WDR17: variants seen among roughly 807,000 people sequenced by gnomAD.
WDR17 encodes the protein WD repeat domain 17.
Under a neutral mutation model 161.7 loss-of-function variants are expected in WDR17, and 143 were observed. The ratio of observed to expected loss-of-function variants is 0.88; its 90% CI spans 0.77 to 1.02. The LOEUF (loss-of-function observed/expected upper bound fraction) is 1.02, where lower values mean the gene tolerates loss of function less well. Among genes scored for constraint, WDR17 ranks in the 50% least tolerant of loss-of-function variants. The pLI, the probability that WDR17 is intolerant of heterozygous loss-of-function variation, is 0.00. For synonymous variants in WDR17, 517 were observed against 515.6 expected, an observed-to-expected ratio of 1.00 and a Z score of -0.04; for missense variants, 1,469 against 1,520.9, an observed-to-expected ratio of 0.97 and a Z score of 0.57.
At chr4:176,155,663 G>A (rs1747985924) in intron 17 of WDR17, among the ~76,000 whole-genome samples, 1 of 143,488 alleles carries the variant, frequency 7.0e-6, no homozygotes. Flanking sequence ...TGTCCACTCA[G>A]CCTCCCAAGT....
intron 8 of WDR17, among the ~76,000 whole-genome samples, chr4:176,136,428 A>G (rs1490965698): frequency 6.6e-6 from 1 of 151,702 alleles, no homozygotes; most frequent in East Asian, 1.9e-4. Flanking sequence ...TAAAACATAA[A>G]TAAAACTTAT....
At chr4:176,079,657 C>T (rs1401266486) in intron 1 of WDR17, among the ~76,000 whole-genome samples, 1 of 152,038 alleles carries the variant, frequency 6.6e-6, no homozygotes, top group Non-Finnish European at 1.5e-5. Flanking sequence ...TGTCTTCATA[C>T]ATTTTCTGGT....
Position 176,137,656 on chromosome 4 carries a change from A to C in WDR17, c.1359+45A>C, listed in dbSNP as rs758990921. On this transcript the variant is annotated intron_variant, in intron 9 of 28. Coordinates refer to ENST00000508596, the MANE Select transcript of WDR17 (RefSeq NM_181265.4). ...ACTGAATAATATAATGTTTTATACT[A>C]TTTTGTATTTATTTTGTAAATATTT... is the stretch of plus-strand genomic sequence containing the variant. The C allele has an allele frequency of 2.2e-5, 26 of 1,157,234 alleles. No homozygotes were observed. In the Admixed American group the frequency reaches 3.3e-4, roughly 15 times the overall value. 71.7% of individuals were successfully genotyped at this position (1,157,234 alleles called of 1,614,324 possible).
intron 1 of WDR17, among the ~76,000 whole-genome samples, chr4:176,085,889 T>A (rs1735360201): frequency 6.6e-6 from 1 of 152,020 alleles, no homozygotes; most frequent in East Asian, 1.9e-4. Context: ...AATCTTTGAC[T>A]TTTCTTCCTT....
chr4:176,100,819 C>T (rs941492818), intron 1 of WDR17, among the ~76,000 whole-genome samples: 5 of 151,846 alleles, frequency 3.3e-5, no homozygotes, highest in African/African-American at 1.2e-4. Flanking sequence ...CTAATTTTTC[C>T]AGCACTATTT....
intron 1 of WDR17, among the ~76,000 whole-genome samples, chr4:176,076,058 T>C (rs1733928722): frequency 6.6e-6 from 1 of 151,940 alleles, no homozygotes; most frequent in East Asian, 1.9e-4. Flanking sequence ...TTTTGTGCAG[T>C]GGTGAAAAAT....
At chr4:176,083,718 G>C (rs746687337) in intron 1 of WDR17, among the ~76,000 whole-genome samples, 1 of 152,060 alleles carries the variant, frequency 6.6e-6, no homozygotes, top group African/African-American at 2.4e-5. Flanking sequence ...GCTGGTCATG[G>C]GGTATGTATT....
chr4:176,074,311 C>T (rs1050286742), intron 1 of WDR17, among the ~76,000 whole-genome samples: 15 of 151,900 alleles, frequency 9.9e-5, no homozygotes, highest in Non-Finnish European at 2.1e-4. Flanking sequence ...CACCAGAACA[C>T]CTTTTCCCTT....
chr4:176,145,513 A>C (rs1031049933), intron 11 of WDR17, among the ~76,000 whole-genome samples: 3 of 152,214 alleles, frequency 2.0e-5, no homozygotes, highest in African/African-American at 7.2e-5. Flanking sequence ...GAAAACTTTC[A>C]GTGAGAATAC....
chr4:176,070,436 G>C lies in WDR17; in HGVS notation c.-7+4357G>C, dbSNP rs148623876. 4.7e-3 allele frequency among the ~76,000 whole-genome samples: 715 copies of C among 152,240 alleles called. 5 individuals are homozygous for C. The highest frequency in any genetic ancestry group is 0.016 in the African/African-American group (656 of 41,538). On this transcript the variant is annotated intron_variant, in intron 1 of 28. Transcript: ENST00000508596. ...AAAATCAGACTTATTTCAGGCCTCT[G>C]TCAATATATTGAATGCATATATTGA...
At chr4:176,136,719 G>GA (rs142084384) in intron 8 of WDR17, among the ~76,000 whole-genome samples, 10 of 150,582 alleles carry the variant, frequency 6.6e-5, no homozygotes, top group South Asian at 4.2e-4. Context: ...CAGACGAAAA[G>GA]AAAAAAAATG....
At chr4:176,126,157 T>C (rs1742412932) in intron 5 of WDR17, among the ~76,000 whole-genome samples, 2 of 152,172 alleles carry the variant, frequency 1.3e-5, no homozygotes, top group Admixed American at 1.3e-4. Context: ...CACAAGAATT[T>C]TGTGGGAGGC....
chr4:176,131,439 T>C, intron 6 of WDR17, 115 bp from the exon 7 acceptor site: 1 of 1,028,602 alleles, frequency 9.7e-7, no homozygotes, highest in Non-Finnish European at 1.4e-6. Flanking sequence ...GAATATATGA[T>C]CATTGCCTAA....
At chr4:176,137,650 T>C (rs1744631818) in intron 9 of WDR17, 39 bp downstream of exon 9, 1 of 1,228,944 alleles carries the variant, frequency 8.1e-7, no homozygotes. Flanking sequence ...TATAATGTTT[T>C]ATACTATTTT....
At chr4:176,102,151 A>G (rs1019437136) in intron 1 of WDR17, among the ~76,000 whole-genome samples, 3 of 152,236 alleles carry the variant, frequency 2.0e-5, no homozygotes, top group African/African-American at 7.2e-5. Flanking sequence ...AATAATTTAT[A>G]TAACTCAGTA....
intron 18 of WDR17, among the ~76,000 whole-genome samples, chr4:176,158,342 G>A (rs185698309): frequency 1.3e-5 from 2 of 152,248 alleles, no homozygotes; most frequent in East Asian, 3.9e-4. Flanking sequence ...ATATCTAGGA[G>A]TTAAAAGTAA....
intron 26 of WDR17, among the ~76,000 whole-genome samples, chr4:176,175,084 T>C (rs987862714): frequency 2.6e-5 from 4 of 152,156 alleles, no homozygotes; most frequent in Non-Finnish European, 4.4e-5. Flanking sequence ...GGTTAGAAGA[T>C]AGATGCTAGC....
At chr4:176,119,321 A>G (rs756338532) in intron 3 of WDR17, among the ~76,000 whole-genome samples, 13 of 152,168 alleles carry the variant, frequency 8.5e-5, no homozygotes, top group Non-Finnish European at 1.9e-4. Context: ...TAGAGAAATA[A>G]AATGACTTGT....
chr4:176,099,052 A>G (rs1354318338), intron 1 of WDR17, among the ~76,000 whole-genome samples: 1 of 152,142 alleles, frequency 6.6e-6, no homozygotes, highest in African/African-American at 2.4e-5. Flanking sequence ...GTCAAAATGT[A>G]TTGGCATAAA....
Sources: gnomAD v4.1 joint callset for allele counts (sites outside exome capture counted in the v4.1 genomes callset) on GRCh38, gnomAD v4.1.1 for gene constraint, MANE v1.5 for transcripts, NCBI Gene and HGNC (gene_info 2026-07-23, HGNC 2026-07-21) for gene names.